CNTN1: variants seen among roughly 807,000 people sequenced by gnomAD.
The protein encoded by CNTN1 is contactin-1.
CNTN1 carries 38 observed loss-of-function variants against 126.4 expected under a neutral mutation model. The observed-to-expected ratio is 0.30, with a 90% confidence interval of 0.23 to 0.39. The LOEUF (loss-of-function observed/expected upper bound fraction) is 0.39, where lower values mean the gene tolerates loss of function less well. Ranked by LOEUF, CNTN1 falls within the 10% of genes least tolerant of loss-of-function variation. The pLI, the probability that CNTN1 is intolerant of heterozygous loss-of-function variation, is 1.00. For synonymous variants in CNTN1, 413 were observed against 422.6 expected (o/e 0.98, Z 0.28); for missense variants, 1,009 against 1,248.4 (o/e 0.81, Z 2.89).
chr12:40,735,064 G>T (rs868853942), intron 1 of CNTN1, among the ~76,000 whole-genome samples: 1 of 152,052 alleles, frequency 6.6e-6, no homozygotes, highest in Non-Finnish European at 1.5e-5. Context: ...ACTATTGTGG[G>T]TTGACTATTT....
chr12:40,862,245 TTTC>T (rs1943140748), intron 1 of CNTN1, among the ~76,000 whole-genome samples: 1 of 117,552 alleles, frequency 8.5e-6, no homozygotes, highest in Admixed American at 8.3e-5. Flanking sequence ...ACGAAATATT[TTTC>T]TTATTTACCC....
At chr12:40,788,344 G>A (rs146436487) in intron 1 of CNTN1, among the ~76,000 whole-genome samples, 2 of 152,200 alleles carry the variant, frequency 1.3e-5, no homozygotes, top group African/African-American at 4.8e-5. Context: ...GATACCATCT[G>A]TCATGTAGAA....
chr12:41,026,969 A>G (rs1184472983), intron 21 of CNTN1, among the ~76,000 whole-genome samples: 1 of 152,134 alleles, frequency 6.6e-6, no homozygotes, highest in African/African-American at 2.4e-5. Flanking sequence ...CTTGCTGCCA[A>G]TTTGGATGTT....
Position 41,029,146 on chromosome 12 carries a change from T to C in CNTN1, c.2907T>C (p.Asp969=), listed in dbSNP as rs1566175655. ...CCATAGAAGTCCCAATCCCCAGAGA[T>C]GGAGAATACGTTGTGGAGGTTCGCG... is the stretch of plus-strand genomic sequence containing the variant. The part of the protein sequence containing the change: ...KHSIEVPIPR[D]GEYVVEVRAH... Residue 969 remains aspartate (D), a synonymous_variant, in exon 23 of 24, where the codon GAT becomes GAC. Coordinates refer to ENST00000551295, the MANE Select transcript of CNTN1 (RefSeq NM_001843.4). The C allele has an allele frequency of 5.0e-6, 8 of 1,614,082 alleles. No individual in the cohort carries two copies. The highest frequency in any genetic ancestry group is 5.9e-6 in the Non-Finnish European group (7 of 1,179,990).
At chr12:40,878,419 G>A (rs1026409046) in intron 1 of CNTN1, among the ~76,000 whole-genome samples, 1 of 151,994 alleles carries the variant, frequency 6.6e-6, no homozygotes, top group African/African-American at 2.4e-5. Context: ...GGGCAAAATG[G>A]TCTAGACTTA....
intron 17 of CNTN1, among the ~76,000 whole-genome samples, chr12:41,010,576 A>T (rs980882698): frequency 2.3e-4 from 35 of 152,242 alleles, no homozygotes; most frequent in African/African-American, 8.2e-4. Flanking sequence ...CTGGTGCTAT[A>T]GCCTCCTTCT....
chr12:40,753,390 T>C (rs1938476345), intron 1 of CNTN1, among the ~76,000 whole-genome samples: 1 of 152,134 alleles, frequency 6.6e-6, no homozygotes, highest in Admixed American at 6.6e-5. Flanking sequence ...TCAGTTTTCA[T>C]ACTGCTATGA....
chr12:40,832,588 A>T (rs1941887677), intron 1 of CNTN1, among the ~76,000 whole-genome samples: 2 of 152,134 alleles, frequency 1.3e-5, no homozygotes, highest in Non-Finnish European at 2.9e-5. Flanking sequence ...CTAACTGCTC[A>T]TTTCTCAGAA....
At position 41,025,307 on chromosome 12, in the gene CNTN1, A is replaced by T. The variant is rs1212527710; in HGVS notation, c.2681A>T (p.Asp894Val). The T allele has an allele frequency of 1.2e-6, 2 of 1,613,548 alleles. No individual in the cohort carries two copies. Among genetic ancestry groups the T allele is most frequent in the East Asian group, 2.2e-5 (1 of 44,858 alleles). ...CNSAGCGPPSDMIEAFTKKAP... is the reference protein window; with the variant it reads ...CNSAGCGPPSVMIEAFTKKAP... ...AGTGCAGGGTGTGGACCTCCAAGTGACATGATTGAGGCTTTCACCAAGAAA... is the reference window on the plus strand; with the variant it reads ...AGTGCAGGGTGTGGACCTCCAAGTGTCATGATTGAGGCTTTCACCAAGAAA... Residue 894 changes from aspartate (D) to valine (V), a missense_variant, in exon 21 of 24, where the codon GAC (aspartate) becomes GTC (valine). Asp to Val is a radical substitution (Grantham distance 152, BLOSUM62 -3). Coordinates refer to ENST00000551295, the MANE Select transcript of CNTN1 (RefSeq NM_001843.4).
Position 40,933,534 on chromosome 12 carries a change from G to C in CNTN1, c.777G>C (p.Val259=). Residue 259 remains valine, a synonymous_variant, in exon 8 of 24, where the codon GTG becomes GTC. Transcript: ENST00000551295. ...TATATGCATTGATGGGCCAAAATGT[G>C]ACCTTAGAATGTTTTGCACTTGGAA... The part of the protein sequence containing the change: ...KDVYALMGQN[V]TLECFALGNP... 6.2e-7 allele frequency: 1 copy of C among 1,610,952 alleles called. No individual in the cohort carries two copies. Among genetic ancestry groups the C allele is most frequent in the Non-Finnish European group, 8.5e-7 (1 of 1,177,582 alleles).
At chr12:40,949,565 C>CT (rs1253759992) in intron 14 of CNTN1, among the ~76,000 whole-genome samples, 2 of 97,552 alleles carry the variant, frequency 2.1e-5, no homozygotes, top group South Asian at 3.5e-4. Flanking sequence ...CTTTTCTTTT[C>CT]TTTCTTTTTT....
At position 40,822,148 on chromosome 12, in the gene CNTN1, C is replaced by CTTTTTTTTTTTT. The variant is rs777953120; in HGVS notation, c.-76-86196_-76-86185dup. Among the ~76,000 whole-genome samples the CTTTTTTTTTTTT allele has an allele frequency of 4.0e-4, 19 of 47,236 alleles. 1 individual carries two copies. Among genetic ancestry groups the CTTTTTTTTTTTT allele is most frequent in the Non-Finnish European group, 4.7e-4 (11 of 23,472 alleles). The allele number at this position is 47,236 out of a possible 152,430, so 31.0% of individuals were successfully genotyped here. On this transcript the variant is annotated intron_variant, in intron 1 of 23. Transcript: ENST00000551295. ...TTTCCAGTCTAGACAAAATATAAAT[C>CTTTTTTTTTTTT]TTTTTTTTTTTTTTTTTTTTTTTTG... is the stretch of plus-strand genomic sequence containing the variant.
At chr12:40,811,722 G>T (rs1467843716) in intron 1 of CNTN1, among the ~76,000 whole-genome samples, 1 of 150,348 alleles carries the variant, frequency 6.7e-6, no homozygotes, top group Non-Finnish European at 1.5e-5. Context: ...AGAATCCTTT[G>T]TGTTTTGTAA....
intron 1 of CNTN1, among the ~76,000 whole-genome samples, chr12:40,746,495 TA>T (rs1431547801): frequency 6.6e-6 from 1 of 152,070 alleles, no homozygotes; most frequent in Admixed American, 6.6e-5. Flanking sequence ...AAAGTTTATT[TA>T]AAAGCTTTAG....
chr12:40,819,322 C>T (rs548877042), intron 1 of CNTN1, among the ~76,000 whole-genome samples: 1 of 152,238 alleles, frequency 6.6e-6, no homozygotes, highest in East Asian at 1.9e-4. Flanking sequence ...CTGCGGCCAC[C>T]CCTCTCACTA....
intron 1 of CNTN1, among the ~76,000 whole-genome samples, chr12:40,864,676 C>G (rs948560203): frequency 2.0e-5 from 3 of 152,092 alleles, no homozygotes; most frequent in Admixed American, 1.3e-4. Context: ...TACTTCATTC[C>G]TTTTTATTAC....
In CNTN1 at chr12:41,007,045, G is replaced by T. The variant is rs868082281; in HGVS notation, c.2114-7183G>T. Among the ~76,000 whole-genome samples, 576 of 69,248 alleles carry T rather than the reference G, an allele frequency of 8.3e-3. 8 individuals are homozygous for T. Among genetic ancestry groups the T allele is most frequent in the African/African-American group, 0.031 (500 of 16,256 alleles). The allele number at this position is 69,248 out of a possible 152,430, so 45.4% of individuals were successfully genotyped here. A position where few individuals can be genotyped will look rare whatever the true frequency, so the allele number is the denominator to read the frequency against. Reference sequence around the variant, plus strand: ...TGGCAGTTAAAAGCAGTTTTGTGTGGTTTTTTTTTTTTTTTTTTTTTTTTT... The same window carrying T: ...TGGCAGTTAAAAGCAGTTTTGTGTGTTTTTTTTTTTTTTTTTTTTTTTTTT... On this transcript the variant is annotated intron_variant, in intron 17 of 23. Coordinates refer to ENST00000551295, the MANE Select transcript of CNTN1 (RefSeq NM_001843.4).
chr12:40,897,551 G>T lies in CNTN1; in HGVS notation c.-76-10806G>T, dbSNP rs114404622. 4.3e-3 allele frequency among the ~76,000 whole-genome samples: 653 copies of T among 152,262 alleles called. 2 individuals carry two copies. Among genetic ancestry groups the T allele is most frequent in the African/African-American group, 0.015 (611 of 41,546 alleles). On this transcript the variant is annotated intron_variant, in intron 1 of 23. Coordinates refer to ENST00000551295, the MANE Select transcript of CNTN1 (RefSeq NM_001843.4). ...GAAACTATAGAATCACTTTCCTTTA[G>T]ATACCAGTTTTTGTATAATATACAT...
At chr12:40,848,195 C>G (rs1276045583) in intron 1 of CNTN1, among the ~76,000 whole-genome samples, 2 of 152,118 alleles carry the variant, frequency 1.3e-5, no homozygotes, top group Non-Finnish European at 2.9e-5. Flanking sequence ...AATGGATTCT[C>G]CAGGCTGTGA....
Sources: allele counts gnomAD v4.1 joint callset (sites outside exome capture counted in the v4.1 genomes callset), GRCh38; gene constraint gnomAD v4.1.1; transcripts MANE v1.5; gene names NCBI Gene and HGNC (gene_info 2026-07-23, HGNC 2026-07-21).